The following PC variants were observed in gnomAD, a reference collection of about 807,000 sequenced individuals.
PC encodes pyruvate carboxylase, mitochondrial.
A neutral mutation model predicts 107.8 loss-of-function variants in PC; 46 were observed. The ratio of observed to expected loss-of-function variants is 0.43; its 90% CI spans 0.34 to 0.55. The LOEUF (loss-of-function observed/expected upper bound fraction) is 0.55. Ranked by LOEUF, PC falls within the 20% of genes least tolerant of loss-of-function variation. The pLI is 0.04. For missense variants in PC, 1,241 were observed against 1,643.1 expected (o/e 0.76, Z 4.23); for synonymous variants, 662 against 684.7 (o/e 0.97, Z 0.52).
chr11:66,902,299 G>A (rs1591257286), intron 3 of PC, among the ~76,000 whole-genome samples: 2 of 152,164 alleles, frequency 1.3e-5, no homozygotes, highest in African/African-American at 2.4e-5. Context: ...GCAGCTCTGG[G>A]CATCCACTAT....
intron 12 of PC, among the ~76,000 whole-genome samples, chr11:66,855,196 C>T (rs1042382458): frequency 6.6e-6 from 1 of 152,192 alleles, no homozygotes; most frequent in Non-Finnish European, 1.5e-5. Context: ...GTCGGGTTGC[C>T]CATCCTCTCC....
At chr11:66,946,620 CA>C (rs1342723477) in intron 3 of PC, among the ~76,000 whole-genome samples, 3 of 150,398 alleles carry the variant, frequency 2.0e-5, no homozygotes, top group Admixed American at 1.3e-4. Context: ...GACTCCATCT[CA>C]AAAAAAAAAT....
At chr11:66,862,038 A>G (rs1946286330) in intron 12 of PC, among the ~76,000 whole-genome samples, 1 of 152,102 alleles carries the variant, frequency 6.6e-6, no homozygotes, top group African/African-American at 2.4e-5. Context: ...AGGACCACAG[A>G]GCAACGGGCA....
At position 66,857,661 on chromosome 11, in the gene PC, C is replaced by T. The variant is rs938978927; in HGVS notation, c.1369-4278G>A. On this transcript the variant is annotated intron_variant, in intron 12 of 22. Transcript: ENST00000393960. The surrounding 1 kb of genome is among the most constrained non-coding windows in gnomAD (Gnocchi z 7.1). Reference sequence around the variant, plus strand: ...GGGCCAGGCTCACAGAAGCTGGCTTCTGGGACTGTCCTGGGCCCAAGTGGG... The same window carrying T: ...GGGCCAGGCTCACAGAAGCTGGCTTTTGGGACTGTCCTGGGCCCAAGTGGG... 6.3e-5 allele frequency: 90 copies of T among 1,426,428 alleles called. No individual in the cohort carries two copies. The highest frequency in any genetic ancestry group is 8.0e-5 in the Non-Finnish European group (86 of 1,075,962). The allele number at this position is 1,426,428 out of a possible 1,614,324, so 88.4% of individuals were successfully genotyped here.
intron 3 of PC, among the ~76,000 whole-genome samples, chr11:66,888,582 C>T (rs1947455666): frequency 6.6e-6 from 1 of 152,138 alleles, no homozygotes; most frequent in African/African-American, 2.4e-5. Context: ...CGCCAGGCAC[C>T]TGGACAGCAG....
At chr11:66,873,398 A>ATATATATATAT (rs1946820714) in intron 3 of PC, among the ~76,000 whole-genome samples, 1 of 99,422 alleles carries the variant, frequency 1.0e-5, no homozygotes, top group Non-Finnish European at 1.9e-5. Context: ...TATTATATAT[A>ATATATATATAT]ATATAATATA....
intron 16 of PC, 72 bp from the exon 17 acceptor site, chr11:66,851,352 C>G: frequency 1.3e-6 from 2 of 1,590,558 alleles, no homozygotes; most frequent in Non-Finnish European, 1.7e-6. Flanking sequence ...TGGCTCCTTC[C>G]TGACCCACTC....
At chr11:66,864,449 C>T (rs958067150) in intron 11 of PC, among the ~76,000 whole-genome samples, 7 of 152,228 alleles carry the variant, frequency 4.6e-5, no homozygotes, top group East Asian at 1.9e-4. Context: ...GGACCATGTG[C>T]GAGGCAAGAG....
intron 3 of PC, among the ~76,000 whole-genome samples, chr11:66,873,425 TATATA>T (rs1946826459): frequency 1.2e-5 from 1 of 83,688 alleles, no homozygotes; most frequent in Non-Finnish European, 2.1e-5. Context: ...TATAATATAT[TATATA>T]TATTATATAT....
chr11:66,928,769 C>T (rs1024568166), intron 3 of PC, among the ~76,000 whole-genome samples: 6 of 152,110 alleles, frequency 3.9e-5, no homozygotes, highest in Non-Finnish European at 5.9e-5. Flanking sequence ...AAGTGATCCA[C>T]CTACCTCCGA....
chr11:66,849,687 G>A lies in PC; in HGVS notation c.3071C>T (p.Thr1024Ile). ...PDVFAHFKDF[T>I]ATFGPLDSLN... is the part of the protein sequence containing the mutation. ...GCTATCCAGGGGGCCAAAGGTGGCA[G>A]TGAAGTCCTTGAAGTGGGCAAACAC... The change falls in exon 21 of 23, where the codon ACT (threonine) becomes ATT (isoleucine). Residue 1024 changes from threonine (T) to isoleucine (I), a missense_variant. Thr to Ile is a moderately conservative substitution (Grantham distance 89). This residue lies in a region of PC where 1,143 missense variants were observed against 1,551.9 expected (regional missense o/e 0.74). Coordinates refer to ENST00000393960, the MANE Select transcript of PC (RefSeq NM_001040716.2). 1.2e-6 allele frequency: 2 copies of A among 1,614,216 alleles called. No individual in the cohort carries two copies. The highest frequency in any genetic ancestry group is 1.1e-5 in the South Asian group (1 of 91,088).
At chr11:66,908,373 A>G (rs528676690) in intron 3 of PC, among the ~76,000 whole-genome samples, 1 of 152,304 alleles carries the variant, frequency 6.6e-6, no homozygotes, top group South Asian at 2.1e-4. Context: ...TGGATCCCTC[A>G]CCAGGGCACA....
chr11:66,900,339 TA>T (rs1346462206), intron 3 of PC, among the ~76,000 whole-genome samples: 2 of 152,062 alleles, frequency 1.3e-5, no homozygotes, highest in Non-Finnish European at 2.9e-5. Flanking sequence ...CACGCCCGAC[TA>T]ATTTTTTTGT....
intron 3 of PC, among the ~76,000 whole-genome samples, chr11:66,903,406 G>A (rs1470561820): frequency 2.6e-5 from 4 of 152,016 alleles, no homozygotes; most frequent in Non-Finnish European, 4.4e-5. Flanking sequence ...CCATGTTGTT[G>A]AGCTCATCCC....
At chr11:66,899,303 A>G (rs1306764750) in intron 3 of PC, among the ~76,000 whole-genome samples, 2 of 152,174 alleles carry the variant, frequency 1.3e-5, no homozygotes, top group African/African-American at 4.8e-5. Flanking sequence ...TTGTATGGCT[A>G]AATAATATCC....
Position 66,871,699 on chromosome 11 carries a change from G to A in PC, c.309C>T (p.Ile103=), listed in dbSNP as rs752353324. The A allele has an allele frequency of 8.9e-6, 14 of 1,567,732 alleles. No homozygotes were observed. Among genetic ancestry groups the A allele is most frequent in the Non-Finnish European group, 1.2e-5 (14 of 1,156,250 alleles). Residue 103 remains isoleucine, a synonymous_variant, in exon 5 of 23, where the codon ATC becomes ATT. Coordinates refer to ENST00000393960, the MANE Select transcript of PC (RefSeq NM_001040716.2). The surrounding 1 kb of genome is among the most constrained non-coding windows in gnomAD (Gnocchi z 7.4). ...CCACTGGGCTCACCTTGGCCACCTT[G>A]ATGATGTCTGGGATGTGCAGGTAGG... ...VQAYLHIPDI[I]KVAKENNVDA... is the part of the protein sequence containing the mutation.
chr11:66,873,457 T>C (rs1190057392), intron 3 of PC, among the ~76,000 whole-genome samples: 1 of 82,352 alleles, frequency 1.2e-5, no homozygotes, highest in East Asian at 2.9e-4. Flanking sequence ...ATATATAAAA[T>C]ATATATTATA....
intron 3 of PC, among the ~76,000 whole-genome samples, chr11:66,878,803 G>C (rs553117128): frequency 6.6e-6 from 1 of 152,170 alleles, no homozygotes; most frequent in African/African-American, 2.4e-5. Flanking sequence ...AAAAGATCAG[G>C]GCTCTTCGGC....
In PC at chr11:66,857,094, C is replaced by G. The variant is rs893298646; in HGVS notation, c.1369-3711G>C. On this transcript the variant is annotated intron_variant, in intron 12 of 22. Coordinates refer to ENST00000393960, the MANE Select transcript of PC (RefSeq NM_001040716.2). This position sits in a 1 kb window ranked among gnomAD's most constrained non-coding sequence, Gnocchi z 7.1. ...CGCGCACCCGCTCGCCTGTCGCCGC[C>G]GCCACCGCTAACCGCGCCGGGAAAA... 6.8e-6 allele frequency: 1 copy of G among 147,550 alleles called. No homozygotes were observed. The allele number at this position is 147,550 out of a possible 1,614,324, so 9.1% of individuals were successfully genotyped here. A position where few individuals can be genotyped will look rare whatever the true frequency, so the allele number is the denominator to read the frequency against.
Sources: allele counts gnomAD v4.1 joint callset (sites outside exome capture counted in the v4.1 genomes callset), GRCh38; gene constraint gnomAD v4.1.1; regional missense constraint gnomAD v4.1.1; non-coding constraint Gnocchi (gnomAD v3.1); transcripts MANE v1.5; gene names NCBI Gene and HGNC (gene_info 2026-07-23, HGNC 2026-07-21).